The following NFIL3 variants were observed in gnomAD, a reference collection of about 807,000 sequenced individuals.
NFIL3 encodes the protein nuclear factor interleukin-3-regulated protein.
In NFIL3, 5 loss-of-function variants were observed where a neutral mutation model predicts 10.0. That is an observed-to-expected ratio of 0.50 (90% confidence interval 0.26 to 1.06). The LOEUF is 1.06. Among genes scored for constraint, NFIL3 ranks in the 50% least tolerant of loss-of-function variants. The pLI, the probability that NFIL3 is intolerant of heterozygous loss-of-function variation, is 0.13. For missense variants in NFIL3, 436 were observed against 547.6 expected (o/e 0.80, Z 2.03); for synonymous variants, 202 against 206.5 (o/e 0.98, Z 0.19).
the NFIL3 span, among the ~76,000 whole-genome samples, chr9:91,441,034 A>G: frequency 6.6e-6 from 1 of 152,120 alleles, no homozygotes; most frequent in Non-Finnish European, 1.5e-5. Context: ...GTCTAAAGTG[A>G]AATTCAAGTC....
chr9:91,439,087 G>T, the NFIL3 span, among the ~76,000 whole-genome samples: 1 of 152,090 alleles, frequency 6.6e-6, no homozygotes. Context: ...GGATTGCATT[G>T]AATCTGTATA....
the NFIL3 span, among the ~76,000 whole-genome samples, chr9:91,435,166 A>G: frequency 2.0e-5 from 3 of 152,300 alleles, no homozygotes; most frequent in African/African-American, 7.2e-5. Context: ...TATGTCAAGT[A>G]GTGGAAGCAT....
At chr9:91,428,973 A>C in the NFIL3 span, among the ~76,000 whole-genome samples, 1 of 152,264 alleles carries the variant, frequency 6.6e-6, no homozygotes, top group African/African-American at 2.4e-5. Context: ...AATCGTGTTC[A>C]TTGCAAAATC....
In NFIL3 at chr9:91,410,656, C is replaced by T; in HGVS notation, c.79G>A (p.Val27Ile). ...DASSNVDKMM[V>I]LNSALTEVSE... is the part of the protein sequence containing the mutation. ...ACTTCCGTTAAAGCAGAATTAAGGA[C>T]CATCATCTTGTCCACATTGCTACTG... Residue 27 changes from valine (V) to isoleucine (I), a missense_variant, in exon 2 of 2, where the codon GTC becomes ATC. Transcript: ENST00000297689. This position sits in a 1 kb window ranked among gnomAD's most constrained non-coding sequence, Gnocchi z 5.7. 1 of 1,614,112 alleles carries T rather than the reference C, an allele frequency of 6.2e-7. No individual in the cohort carries two copies. The highest frequency in any genetic ancestry group is 2.2e-5 in the East Asian group (1 of 44,888).
intron 1 of NFIL3, among the ~76,000 whole-genome samples, chr9:91,420,075 T>C (rs572549191): frequency 6.6e-6 from 1 of 152,250 alleles, no homozygotes; most frequent in South Asian, 2.1e-4. Context: ...ATATGGCAAT[T>C]GTCACGTCAT....
chr9:91,453,619 T>C, the NFIL3 span, among the ~76,000 whole-genome samples: 5 of 152,208 alleles, frequency 3.3e-5, no homozygotes, highest in African/African-American at 1.2e-4. Flanking sequence ...CATTCGAGAC[T>C]GTATTTTAAA....
In NFIL3 at chr9:91,409,209, A is replaced by G; in HGVS notation, c.*137T>C. On this transcript the variant is annotated 3_prime_UTR_variant, in exon 2 of 2. Coordinates refer to ENST00000297689, the MANE Select transcript of NFIL3 (RefSeq NM_005384.3). ...TCTTCATCATAATCTGTGCACAAAA[A>G]GACACCAAACAGACAACATGTGCAC... The G allele has an allele frequency of 1.3e-6, 1 of 794,870 alleles. No individual in the cohort carries two copies. 49.2% of individuals were successfully genotyped at this position (794,870 alleles called of 1,614,324 possible). A position where few individuals can be genotyped will look rare whatever the true frequency, so the allele number is the denominator to read the frequency against.
At chr9:91,465,409 G>A in the NFIL3 span, among the ~76,000 whole-genome samples, 2 of 151,972 alleles carry the variant, frequency 1.3e-5, no homozygotes, top group African/African-American at 4.8e-5. Context: ...CTTCATTTCT[G>A]CCACAGTGTT....
the NFIL3 span, among the ~76,000 whole-genome samples, chr9:91,445,131 G>C: frequency 6.6e-5 from 10 of 152,200 alleles, no homozygotes; most frequent in Non-Finnish European, 1.2e-4. Flanking sequence ...TGTGGTCCTG[G>C]TGGTCAGGGC....
At chr9:91,421,777 AT>A (rs1327171195) in intron 1 of NFIL3, among the ~76,000 whole-genome samples, 1 of 152,168 alleles carries the variant, frequency 6.6e-6, no homozygotes, top group Admixed American at 6.5e-5. Context: ...ATTTGGGGTA[AT>A]ATACTCTGTT....
At chr9:91,419,699 G>A (rs776833332) in intron 1 of NFIL3, among the ~76,000 whole-genome samples, 4 of 152,218 alleles carry the variant, frequency 2.6e-5, no homozygotes, top group Non-Finnish European at 4.4e-5. Flanking sequence ...GGCACATGCA[G>A]AGTATGTGTT....
the NFIL3 span, among the ~76,000 whole-genome samples, chr9:91,451,906 T>C: frequency 6.6e-6 from 1 of 152,202 alleles, no homozygotes; most frequent in South Asian, 2.1e-4. Context: ...TAGTCTAAAT[T>C]GTTAGCTTGC....
the NFIL3 span, among the ~76,000 whole-genome samples, chr9:91,470,515 T>C: frequency 1.3e-5 from 2 of 152,122 alleles, no homozygotes; most frequent in African/African-American, 4.8e-5. Context: ...TATGTCTCTA[T>C]CTTCTTCAGT....
At chr9:91,420,305 C>T (rs959203751) in intron 1 of NFIL3, among the ~76,000 whole-genome samples, 1 of 151,564 alleles carries the variant, frequency 6.6e-6, no homozygotes, top group African/African-American at 2.4e-5. Flanking sequence ...AACACGAATC[C>T]TTACTGTTAC....
At chr9:91,438,611 C>A in the NFIL3 span, among the ~76,000 whole-genome samples, 20,349 of 152,128 alleles carry the variant, frequency 0.13, 1,511 homozygotes, top group East Asian at 0.34. Context: ...CTTTTCCCCT[C>A]TAGTGTCTTC....
chr9:91,432,762 G>T, the NFIL3 span, among the ~76,000 whole-genome samples: 1 of 152,116 alleles, frequency 6.6e-6, no homozygotes, highest in South Asian at 2.1e-4. Flanking sequence ...GTCTTAGGGA[G>T]GTCTTTTCTA....
At chr9:91,466,888 A>T in the NFIL3 span, among the ~76,000 whole-genome samples, 94 of 152,308 alleles carry the variant, frequency 6.2e-4, no homozygotes, top group East Asian at 0.013. Flanking sequence ...ATTTCTCTGA[A>T]GGCATTTTTT....
the NFIL3 span, among the ~76,000 whole-genome samples, chr9:91,447,892 A>G: frequency 6.6e-6 from 1 of 152,202 alleles, no homozygotes; most frequent in Admixed American, 6.5e-5. Flanking sequence ...TTGGTGTAAT[A>G]TCTAGAAATT....
chr9:91,451,514 T>C, the NFIL3 span, among the ~76,000 whole-genome samples: 1 of 152,220 alleles, frequency 6.6e-6, no homozygotes, highest in Admixed American at 6.5e-5. Flanking sequence ...CAAGCCACAA[T>C]TGGCCCTCAA....
Sources: gnomAD v4.1 joint callset for allele counts (sites outside exome capture counted in the v4.1 genomes callset) on GRCh38, gnomAD v4.1.1 for gene constraint, Gnocchi (gnomAD v3.1) non-coding constraint, MANE v1.5 for transcripts, NCBI Gene and HGNC (gene_info 2026-07-23, HGNC 2026-07-21) for gene names.